GALNT2: variants seen among roughly 807,000 people sequenced by gnomAD.
The protein encoded by GALNT2 is UDP-GalNAc:polypeptide N-acetylgalactosaminyltransferase 2.
In GALNT2, 31 loss-of-function variants were observed where a neutral mutation model predicts 81.4. That is an observed-to-expected ratio of 0.38 (90% CI 0.29 to 0.51). GALNT2 has a LOEUF of 0.51. Ranked by LOEUF, GALNT2 falls within the 20% of genes least tolerant of loss-of-function variation. GALNT2 has a pLI of 0.87. For missense variants in GALNT2, 629 were observed against 765.7 expected, an observed-to-expected ratio of 0.82 and a Z score of 2.11; for synonymous variants, 303 against 287.4, an observed-to-expected ratio of 1.05 and a Z score of -0.55.
chr1:230,109,664 C>T (rs1480611753), intron 1 of GALNT2, among the ~76,000 whole-genome samples: 3 of 152,150 alleles, frequency 2.0e-5, no homozygotes, highest in South Asian at 4.1e-4. Flanking sequence ...CCCATCTCTA[C>T]TAAATATACA....
chr1:230,229,862 A>G (rs1347618088), intron 3 of GALNT2, among the ~76,000 whole-genome samples: 4 of 152,236 alleles, frequency 2.6e-5, no homozygotes, highest in Non-Finnish European at 5.9e-5. Flanking sequence ...GAATACATAC[A>G]TGGGTAGTTT....
At position 230,226,602 on chromosome 1, in the gene GALNT2, C is replaced by T. The variant is rs946208900; in HGVS notation, c.375-9412C>T. 2.0e-5 allele frequency among the ~76,000 whole-genome samples: 3 copies of T among 152,174 alleles called. No individual in the cohort carries two copies. In the East Asian group the frequency reaches 5.8e-4, roughly 29 times the overall value. On this transcript the variant is annotated intron_variant, in intron 3 of 15. Coordinates refer to ENST00000366672, the MANE Select transcript of GALNT2 (RefSeq NM_004481.5). The stretch of plus-strand genomic sequence containing the variant: ...GAAAGGTCCACGTGGCTGCAGGGCT[C>T]CCTGGGCTGCTCCATCTTTCCGAAC...
Position 230,275,580 on chromosome 1 carries a change from CATAT to C in GALNT2, c.1560+1022_1560+1025del, listed in dbSNP as rs974556653. Among the ~76,000 whole-genome samples, 1 of 150,412 alleles carries C rather than the reference CATAT, an allele frequency of 6.6e-6. No individual in the cohort carries two copies. The highest frequency in any genetic ancestry group is 2.4e-5 in the African/African-American group (1 of 40,880). Reference sequence around the variant, plus strand: ...CACATATATATACATATAAACACACCATATATATACATATAGATACATGCTACAT... The same window carrying C: ...CACATATATATACATATAAACACACCATATACATATAGATACATGCTACAT... On this transcript the variant is annotated intron_variant, in intron 15 of 15. Transcript: ENST00000366672. The surrounding 1 kb of genome is among the most constrained non-coding windows in gnomAD (Gnocchi z 5.5).
intron 1 of GALNT2, among the ~76,000 whole-genome samples, chr1:230,115,938 A>G (rs964007557): frequency 2.6e-5 from 4 of 152,142 alleles, no homozygotes; most frequent in Non-Finnish European, 5.9e-5. Context: ...TTCTATCATG[A>G]GTTTGCAGCA....
In GALNT2 at chr1:230,265,371, T is replaced by C. The variant is rs748641910; in HGVS notation, c.1440+4T>C. 2 of 1,614,202 alleles carry C rather than the reference T, an allele frequency of 1.2e-6. No homozygotes were observed. Among genetic ancestry groups the C allele is most frequent in the Non-Finnish European group, 1.7e-6 (2 of 1,180,020 alleles). On this transcript the variant is annotated splice_donor_region_variant and intron_variant, in intron 14 of 15. Transcript: ENST00000366672. ...TCACAATGCTGGGGGAAACCAGGTATGTGCATGGGGAAGCCAGGTCACCTG... is the reference window on the plus strand; with the variant it reads ...TCACAATGCTGGGGGAAACCAGGTACGTGCATGGGGAAGCCAGGTCACCTG...
intron 8 of GALNT2, among the ~76,000 whole-genome samples, chr1:230,247,097 T>C (rs61823320): frequency 6.7e-6 from 1 of 148,912 alleles, no homozygotes; most frequent in African/African-American, 2.5e-5. Flanking sequence ...AAAAAAAAAT[T>C]AGCTGCGTGT....
chr1:230,061,314 A>G (rs1659041256), intron 1 of GALNT2, among the ~76,000 whole-genome samples: 1 of 151,922 alleles, frequency 6.6e-6, no homozygotes, highest in Admixed American at 6.6e-5. Context: ...CCCATTCTGT[A>G]TCTCCCTTCT....
At chr1:230,138,524 CAA>C (rs35938447) in intron 1 of GALNT2, among the ~76,000 whole-genome samples, 8 of 75,892 alleles carry the variant, frequency 1.1e-4, no homozygotes, top group Admixed American at 1.4e-4. Flanking sequence ...GACTCTGTCT[CAA>C]AAAAAAAAAA....
At chr1:230,264,343 GC>G (rs971464550) in intron 13 of GALNT2, 2 of 152,362 alleles carry the variant, frequency 1.3e-5, no homozygotes, top group Admixed American at 6.5e-5. Flanking sequence ...CCAAAGAGGG[GC>G]TTCAATTCAG....
At chr1:230,072,677 C>T (rs1170108191) in intron 1 of GALNT2, among the ~76,000 whole-genome samples, 1 of 152,228 alleles carries the variant, frequency 6.6e-6, no homozygotes, top group Admixed American at 6.5e-5. Context: ...CCATGCCACT[C>T]ACATGTAACA....
At chr1:230,158,248 A>G (rs1662323368) in intron 1 of GALNT2, among the ~76,000 whole-genome samples, 2 of 152,062 alleles carry the variant, frequency 1.3e-5, no homozygotes. Flanking sequence ...TAGCGTGGGG[A>G]GATGAGGCCA....
chr1:230,251,860 T>G (rs1665554694), intron 10 of GALNT2, among the ~76,000 whole-genome samples: 1 of 151,988 alleles, frequency 6.6e-6, no homozygotes, highest in African/African-American at 2.4e-5. Flanking sequence ...GGAAGAGTGT[T>G]GATTTACATA....
At chr1:230,137,264 G>T (rs1415477971) in intron 1 of GALNT2, among the ~76,000 whole-genome samples, 2 of 152,230 alleles carry the variant, frequency 1.3e-5, no homozygotes, top group African/African-American at 4.8e-5. Context: ...CTCCAGCATG[G>T]AGCTTCACGT....
At chr1:230,120,352 T>TCCTG (rs112926266) in intron 1 of GALNT2, among the ~76,000 whole-genome samples, 25,303 of 148,444 alleles carry the variant, frequency 0.17, 2,178 homozygotes, top group South Asian at 0.24. Flanking sequence ...TGCCCTTGGA[T>TCCTG]GCCTGCCTTG....
Position 230,133,692 on chromosome 1 carries a change from T to G in GALNT2, c.127-44526T>G, listed in dbSNP as rs144976891. ...CTGGTCTCGAACTCCTGACCTCAGG[T>G]GATCCGCCTGTCTTGGCCTCCTAAA... On this transcript the variant is annotated intron_variant, in intron 1 of 15. Transcript: ENST00000366672. Among the ~76,000 whole-genome samples, 639 of 152,258 alleles carry G rather than the reference T, an allele frequency of 4.2e-3. 2 individuals carry two copies. The highest frequency in any genetic ancestry group is 0.015 in the African/African-American group (609 of 41,558).
intron 14 of GALNT2, among the ~76,000 whole-genome samples, chr1:230,265,589 C>T (rs1016679131): frequency 1.1e-4 from 17 of 152,312 alleles, no homozygotes; most frequent in Non-Finnish European, 2.5e-4. Flanking sequence ...AGCTTCGGAC[C>T]AGGCTCTGCT....
chr1:230,063,664 A>G (rs940063903), upstream of GALNT2, among the ~76,000 whole-genome samples: 1 of 152,228 alleles, frequency 6.6e-6, no homozygotes, highest in Non-Finnish European at 1.5e-5. Flanking sequence ...TTATTCCATC[A>G]AACTAATAAT....
chr1:230,095,792 A>T (rs570756961), intron 1 of GALNT2, among the ~76,000 whole-genome samples: 4 of 152,324 alleles, frequency 2.6e-5, no homozygotes, highest in Admixed American at 2.6e-4. Context: ...CTGGGGCCCA[A>T]CTGCCATGCT....
At chr1:230,265,061 C>T in intron 13 of GALNT2, 180 bp from the exon 14 acceptor site, 1 of 666,572 alleles carries the variant, frequency 1.5e-6, no homozygotes, top group African/African-American at 1.8e-5. Context: ...AGTCCAGAGC[C>T]TGGGAGAAAT....
Sources: allele counts gnomAD v4.1 joint callset (sites outside exome capture counted in the v4.1 genomes callset), GRCh38; gene constraint gnomAD v4.1.1; non-coding constraint Gnocchi (gnomAD v3.1); transcripts MANE v1.5; gene names NCBI Gene and HGNC (gene_info 2026-07-23, HGNC 2026-07-21).